Variants in ADGRA2 observed in about 807,000 individuals in gnomAD.
ADGRA2 encodes adhesion G protein-coupled receptor A2.
A neutral mutation model predicts 98.7 loss-of-function variants in ADGRA2; 61 were observed. That is an observed-to-expected ratio of 0.62 (90% CI 0.50 to 0.76). The LOEUF (loss-of-function observed/expected upper bound fraction) is 0.76. ADGRA2 is among the 30% of genes least tolerant of loss of function. The pLI is 0.00. For synonymous variants in ADGRA2, 858 were observed against 831.5 expected, an observed-to-expected ratio of 1.03 and a Z score of -0.55; for missense variants, 1,712 against 1,860.0, an observed-to-expected ratio of 0.92 and a Z score of 1.46.
At chr8:37,803,230 A>G (rs1266598859) in intron 1 of ADGRA2, among the ~76,000 whole-genome samples, 1 of 152,196 alleles carries the variant, frequency 6.6e-6, no homozygotes, top group Non-Finnish European at 1.5e-5. Flanking sequence ...AGTTCCAGCC[A>G]CCTCTGAGTT....
chr8:37,835,310 C>T lies in ADGRA2; in HGVS notation c.1745C>T (p.Pro582Leu). ...RPGSPGQNPP[P>L]EPEPPADQQL... ...GGAAGCCCTGGCCAGAACCCCCCAC[C>T]TGAGCCCGAGCCCCCAGCTGACCAG... Residue 582 changes from proline to leucine, a missense_variant, in exon 12 of 19, where the codon CCT becomes CTT. Coordinates refer to ENST00000412232, the MANE Select transcript of ADGRA2 (RefSeq NM_032777.10). The T allele has an allele frequency of 6.2e-7, 1 of 1,613,694 alleles. No individual in the cohort carries two copies.
intron 9 of ADGRA2, among the ~76,000 whole-genome samples, chr8:37,833,483 C>G (rs1805518089): frequency 6.6e-6 from 1 of 152,214 alleles, no homozygotes; most frequent in South Asian, 2.1e-4. Context: ...GTCCCACTGT[C>G]CTTACACCAG....
Position 37,835,186 on chromosome 8 carries a change from G to C in ADGRA2, c.1621G>C (p.Val541Leu), listed in dbSNP as rs113270504. ...AQHISVNARN[V>L]ALEAYLIKPH... Reference sequence around the variant, plus strand: ...TCCCTGTCCCCAGAATGCGAGGAACGTGGCATTGGAGGCCTACCTCATCAA... The same window carrying C: ...TCCCTGTCCCCAGAATGCGAGGAACCTGGCATTGGAGGCCTACCTCATCAA... The change falls in exon 12 of 19, where the codon GTG (valine) becomes CTG (leucine). Residue 541 changes from valine to leucine, a missense_variant. Coordinates refer to ENST00000412232, the MANE Select transcript of ADGRA2 (RefSeq NM_032777.10). 10 of 1,613,226 alleles carry C rather than the reference G, an allele frequency of 6.2e-6. No individual in the cohort carries two copies. In the African/African-American group the frequency reaches 1.2e-4, roughly 19 times the overall value.
Position 37,841,036 on chromosome 8 carries a change from C to CCCCCCCCCCCCCA in ADGRA2, c.2748-50_2748-49insCCCCCCCCCCCCA. The CCCCCCCCCCCCCA allele has an allele frequency of 6.5e-7, 1 of 1,532,322 alleles. No homozygotes were observed. The highest frequency in any genetic ancestry group is 8.8e-7 in the Non-Finnish European group (1 of 1,131,152). 94.9% of individuals were successfully genotyped at this position (1,532,322 alleles called of 1,614,324 possible). ...CCCCAACCACCCCGGCCCCCAGCCC[C>CCCCCCCCCCCCCA]ACCCCAGCCATGCCCCCTGTCCTCA... is the stretch of plus-strand genomic sequence containing the variant. On this transcript the variant is annotated intron_variant, in intron 18 of 18. Coordinates refer to ENST00000412232, the MANE Select transcript of ADGRA2 (RefSeq NM_032777.10). The surrounding 1 kb of genome is among the most constrained non-coding windows in gnomAD (Gnocchi z 5.0).
chr8:37,811,125 A>AC (rs1563339747), intron 1 of ADGRA2, among the ~76,000 whole-genome samples: 1 of 147,336 alleles, frequency 6.8e-6, no homozygotes, highest in African/African-American at 2.5e-5. Flanking sequence ...AAAACAAAAA[A>AC]AAAAAAAAAA....
At position 37,802,700 on chromosome 8, in the gene ADGRA2, A is replaced by G. The variant is rs1440012500; in HGVS notation, c.266+5166A>G. 1.3e-5 allele frequency among the ~76,000 whole-genome samples: 2 copies of G among 152,050 alleles called. No homozygotes were observed. The highest frequency in any genetic ancestry group is 4.8e-5 in the African/African-American group (2 of 41,406). On this transcript the variant is annotated intron_variant, in intron 1 of 18. Coordinates refer to ENST00000412232, the MANE Select transcript of ADGRA2 (RefSeq NM_032777.10). This position sits in a 1 kb window ranked among gnomAD's most constrained non-coding sequence, Gnocchi z 4.7. ...GAGGTCGCTAGCTCAGGATACAGGA[A>G]TTCCACCCATCCATCCTCTGGGGCC...
chr8:37,798,908 G>A (rs1804419070), intron 1 of ADGRA2, among the ~76,000 whole-genome samples: 1 of 152,226 alleles, frequency 6.6e-6, no homozygotes. Context: ...TCAGGGTAAG[G>A]CTGTGGCCAG....
At chr8:37,840,483 G>T (rs1306853913) in intron 17 of ADGRA2, among the ~76,000 whole-genome samples, 2 of 152,152 alleles carry the variant, frequency 1.3e-5, no homozygotes, top group Non-Finnish European at 2.9e-5. Context: ...GGAAGGAGAT[G>T]ACTCCAAATG....
rs939155778 is a variant in ADGRA2 at position 37,840,385 on chromosome 8, G to A, written c.2657+119G>A. 243 of 1,105,156 alleles carry A rather than the reference G, an allele frequency of 2.2e-4. 1 individual carries two copies. Among genetic ancestry groups the A allele is most frequent in the Middle Eastern group, 1.7e-3 (6 of 3,544 alleles). 68.5% of individuals were successfully genotyped at this position (1,105,156 alleles called of 1,614,324 possible). On this transcript the variant is annotated intron_variant, in intron 17 of 18. Coordinates refer to ENST00000412232, the MANE Select transcript of ADGRA2 (RefSeq NM_032777.10). ...CCCTGGGAGATCACTCTCCAAAGACGGGGGAGGCTAGGCCCTAGACTCAGC... is the reference window on the plus strand; with the variant it reads ...CCCTGGGAGATCACTCTCCAAAGACAGGGGAGGCTAGGCCCTAGACTCAGC...
At position 37,797,308 on chromosome 8, in the gene ADGRA2, C is replaced by T; in HGVS notation, c.40C>T (p.Arg14Cys). ...ACGCAGGATGCGGGGGGCGCCCGCGCGCCTGCTGCTGCCGCTGCTGCCGTG... is the reference window on the plus strand; with the variant it reads ...ACGCAGGATGCGGGGGGCGCCCGCGTGCCTGCTGCTGCCGCTGCTGCCGTG... Reference protein sequence around the residue: ...GGRRMRGAPARLLLPLLPWLL... With the variant: ...GGRRMRGAPACLLLPLLPWLL... Residue 14 changes from arginine (R) to cysteine (C), a missense_variant, in exon 1 of 19, where the codon CGC (arginine) becomes TGC (cysteine). Coordinates refer to ENST00000412232, the MANE Select transcript of ADGRA2 (RefSeq NM_032777.10). This position sits in a 1 kb window ranked among gnomAD's most constrained non-coding sequence, Gnocchi z 5.3. 1 of 1,319,968 alleles carries T rather than the reference C, an allele frequency of 7.6e-7. No individual in the cohort carries two copies. The highest frequency in any genetic ancestry group is 9.6e-7 in the Non-Finnish European group (1 of 1,042,296). The allele number at this position is 1,319,968 out of a possible 1,614,324, so 81.8% of individuals were successfully genotyped here.
At chr8:37,801,240 A>G (rs1804493633) in intron 1 of ADGRA2, among the ~76,000 whole-genome samples, 1 of 152,196 alleles carries the variant, frequency 6.6e-6, no homozygotes, top group Non-Finnish European at 1.5e-5. Context: ...TTTCATTCGC[A>G]GTTTTCCAGG....
In ADGRA2 at chr8:37,833,493, G is replaced by A. The variant is rs551196610; in HGVS notation, c.1297-195G>A. Among the ~76,000 whole-genome samples the A allele has an allele frequency of 3.3e-5, 5 of 152,332 alleles. No individual in the cohort carries two copies. In the East Asian group the frequency reaches 9.7e-4, roughly 29 times the overall value. On this transcript the variant is annotated intron_variant, in intron 9 of 18. Transcript: ENST00000412232. ...GCAGAGTCCCACTGTCCTTACACCA[G>A]GGGTGCTGGCAGTGGTGGCCTTGGG...
intron 1 of ADGRA2, among the ~76,000 whole-genome samples, chr8:37,803,857 C>T (rs577604406): frequency 6.6e-6 from 1 of 152,150 alleles, no homozygotes; most frequent in African/African-American, 2.4e-5. Flanking sequence ...AACCAAGGGG[C>T]CAGACATCTC....
rs534001688 is a variant in ADGRA2 at position 37,839,171 on chromosome 8, A to G, written c.2387+88A>G. On this transcript the variant is annotated intron_variant, in intron 15 of 18. Coordinates refer to ENST00000412232, the MANE Select transcript of ADGRA2 (RefSeq NM_032777.10). Reference sequence around the variant, plus strand: ...CACTTCCCGTCCTATGCTCCGGTACATACTTTCAATTCCAGCTTTGCAATG... The same window carrying G: ...CACTTCCCGTCCTATGCTCCGGTACGTACTTTCAATTCCAGCTTTGCAATG... The G allele has an allele frequency of 4.8e-5, 73 of 1,523,114 alleles. 1 individual carries two copies. In the South Asian group the frequency reaches 7.5e-4, roughly 16 times the overall value. The allele number at this position is 1,523,114 out of a possible 1,614,324, so 94.3% of individuals were successfully genotyped here.
chr8:37,830,610 G>GGGCCCCCCC lies in ADGRA2; in HGVS notation c.719-100_719-99insGGCCCCCCC. ...AGCTGGAGCAGGCTGCAGGCCGAGG[G>GGGCCCCCCC]CCCCGCCCCGCCCCACCCCATCCTG... On this transcript the variant is annotated intron_variant, in intron 6 of 18. Transcript: ENST00000412232. The surrounding 1 kb of genome is among the most constrained non-coding windows in gnomAD (Gnocchi z 4.8). 1 of 579,886 alleles carries GGGCCCCCCC rather than the reference G, an allele frequency of 1.7e-6. No individual in the cohort carries two copies. Among genetic ancestry groups the GGGCCCCCCC allele is most frequent in the Non-Finnish European group, 3.2e-6 (1 of 315,942 alleles). The allele number at this position is 579,886 out of a possible 1,614,324, so 35.9% of individuals were successfully genotyped here. A position where few individuals can be genotyped will look rare whatever the true frequency, so the allele number is the denominator to read the frequency against.
intron 15 of ADGRA2, 82 bp from the exon 16 acceptor site, chr8:37,839,417 C>T (rs965041396): frequency 2.9e-5 from 46 of 1,575,280 alleles, no homozygotes; most frequent in Middle Eastern, 1.7e-4. Context: ...GCCTGCCCCC[C>T]GTGGCTCTCC....
intron 16 of ADGRA2, among the ~76,000 whole-genome samples, 175 bp from the exon 17 acceptor site, chr8:37,839,946 G>A (rs971490304): frequency 6.6e-6 from 1 of 152,158 alleles, no homozygotes; most frequent in Non-Finnish European, 1.5e-5. Context: ...TGGGGTGAAG[G>A]CAGAGGGTGG....
At chr8:37,801,863 CTT>C (rs879883307) in intron 1 of ADGRA2, among the ~76,000 whole-genome samples, 1 of 152,236 alleles carries the variant, frequency 6.6e-6, no homozygotes, top group Non-Finnish European at 1.5e-5. Flanking sequence ...ACAAAAGACA[CTT>C]TAAAAAACCC....
At chr8:37,829,680 G>A in intron 5 of ADGRA2, 121 bp downstream of exon 5, 6 of 962,646 alleles carry the variant, frequency 6.2e-6, no homozygotes, top group Non-Finnish European at 1.0e-5. Context: ...GACAGTGCCT[G>A]AAATGCCCCC....
Sources: gnomAD v4.1 joint callset for allele counts (sites outside exome capture counted in the v4.1 genomes callset) on GRCh38, gnomAD v4.1.1 for gene constraint, Gnocchi (gnomAD v3.1) non-coding constraint, MANE v1.5 for transcripts, NCBI Gene and HGNC (gene_info 2026-07-23, HGNC 2026-07-21) for gene names.